The following SH3RF1 variants were observed in gnomAD, a reference collection of about 807,000 sequenced individuals.
The protein encoded by SH3RF1 is E3 ubiquitin-protein ligase SH3RF1.
Under a neutral mutation model 74.0 loss-of-function variants are expected in SH3RF1, and 32 were observed. The observed-to-expected ratio is 0.43, with a 90% confidence interval of 0.33 to 0.58. The LOEUF (loss-of-function observed/expected upper bound fraction) is 0.58, where lower values mean the gene tolerates loss of function less well. Ranked by LOEUF, SH3RF1 falls within the 20% of genes least tolerant of loss-of-function variation. The probability of loss-of-function intolerance (pLI) is 0.05; values close to 1 mark genes in which losing one functional copy is unlikely to be tolerated. For missense variants in SH3RF1, 954 were observed against 1,130.9 expected, an observed-to-expected ratio of 0.84 and a Z score of 2.24; for synonymous variants, 396 against 439.6, an observed-to-expected ratio of 0.90 and a Z score of 1.24.
chr4:169,096,748 A>C, intron 11 of SH3RF1, 61 bp from the exon 12 acceptor site: 2 of 1,496,056 alleles, frequency 1.3e-6, no homozygotes, highest in Non-Finnish European at 1.8e-6. Flanking sequence ...AAAATGGTGT[A>C]CTGTTAGTCT....
In SH3RF1 at chr4:169,269,380, A is replaced by G; in HGVS notation, c.-95-73T>C. The G allele has an allele frequency of 6.0e-6, 4 of 663,500 alleles. No individual in the cohort carries two copies. The South Asian group carries it at 6.9e-5, about 11-fold the overall frequency. The allele number at this position is 663,500 out of a possible 1,614,324, so 41.1% of individuals were successfully genotyped here. A position where few individuals can be genotyped will look rare whatever the true frequency, so the allele number is the denominator to read the frequency against. ...CTAGGGAAAAAGTTCAAAGGAGCCA[A>G]GAATCAAAAAGTACCCAAAAGTACA... is the stretch of plus-strand genomic sequence containing the variant. On this transcript the variant is annotated intron_variant, in intron 1 of 11. Transcript: ENST00000284637.
chr4:169,243,930 A>G (rs1307727701), intron 2 of SH3RF1, among the ~76,000 whole-genome samples: 1 of 152,256 alleles, frequency 6.6e-6, no homozygotes, highest in Non-Finnish European at 1.5e-5. Flanking sequence ...TTTTACTTAA[A>G]TAACTGCAAA....
rs1157961166 is a variant in SH3RF1, at chr4:169,094,829, A to G, written c.*1690T>C. 3.3e-5 allele frequency: 5 copies of G among 151,720 alleles called. No individual in the cohort carries two copies. The highest frequency in any genetic ancestry group is 2.6e-4 in the Admixed American group (4 of 15,216). 9.4% of individuals were successfully genotyped at this position (151,720 alleles called of 1,614,324 possible). ...GGAATGATTTCATCTTCAACCACATAAAGTATCTTTTTAAGACCATGAAAC... is the reference window on the plus strand; with the variant it reads ...GGAATGATTTCATCTTCAACCACATGAAGTATCTTTTTAAGACCATGAAAC... On this transcript the variant is annotated 3_prime_UTR_variant, in exon 12 of 12. Transcript: ENST00000284637.
chr4:169,235,622 A>AAT (rs1276563795), intron 2 of SH3RF1, among the ~76,000 whole-genome samples: 3 of 152,234 alleles, frequency 2.0e-5, no homozygotes, highest in East Asian at 3.8e-4. Flanking sequence ...CTTCTCATAT[A>AAT]ATAATATGCC....
intron 2 of SH3RF1, among the ~76,000 whole-genome samples, chr4:169,212,201 A>G (rs927953591): frequency 4.6e-5 from 7 of 150,636 alleles, no homozygotes; most frequent in African/African-American, 1.5e-4. Context: ...AGTAGCTGGG[A>G]TTACAAGCAT....
chr4:169,167,866 T>G (rs1416663954), intron 2 of SH3RF1, among the ~76,000 whole-genome samples: 1 of 152,138 alleles, frequency 6.6e-6, no homozygotes, highest in Non-Finnish European at 1.5e-5. Context: ...AAATTTTACC[T>G]CAATACCAAA....
chr4:169,129,996 C>T, intron 6 of SH3RF1, 50 bp downstream of exon 6: 13 of 1,478,814 alleles, frequency 8.8e-6, no homozygotes, highest in Non-Finnish European at 1.1e-5. Context: ...GCCAGATTAA[C>T]ATGACTAAAG....
chr4:169,164,065 C>G (rs1282474073), intron 2 of SH3RF1, among the ~76,000 whole-genome samples: 1 of 152,202 alleles, frequency 6.6e-6, no homozygotes, highest in African/African-American at 2.4e-5. Flanking sequence ...CCTTCCTCTA[C>G]CCAAGTCTAG....
chr4:169,169,921 G>A (rs1031312915), intron 2 of SH3RF1, among the ~76,000 whole-genome samples: 3 of 152,074 alleles, frequency 2.0e-5, no homozygotes, highest in African/African-American at 7.2e-5. Flanking sequence ...ACTAAAATGA[G>A]TGTTACTAGA....
intron 4 of SH3RF1, among the ~76,000 whole-genome samples, chr4:169,145,200 C>A (rs529400671): frequency 7.1e-4 from 108 of 152,162 alleles, no homozygotes; most frequent in Non-Finnish European, 1.2e-3. Flanking sequence ...CATCAACGGT[C>A]TACTGGATAA....
intron 2 of SH3RF1, among the ~76,000 whole-genome samples, chr4:169,177,482 C>A (rs767589106): frequency 6.6e-6 from 1 of 152,148 alleles, no homozygotes; most frequent in Non-Finnish European, 1.5e-5. Context: ...TTGAAATTAT[C>A]CCCACACTGA....
intron 6 of SH3RF1, among the ~76,000 whole-genome samples, chr4:169,126,158 G>A (rs1366752991): frequency 6.6e-6 from 1 of 152,216 alleles, no homozygotes; most frequent in Non-Finnish European, 1.5e-5. Context: ...GTCAGGGACT[G>A]TCTCACCCGT....
intron 2 of SH3RF1, among the ~76,000 whole-genome samples, chr4:169,258,069 A>C (rs938312519): frequency 2.0e-5 from 3 of 152,202 alleles, no homozygotes; most frequent in Non-Finnish European, 4.4e-5. Context: ...TTGCTACGGT[A>C]ATTACTTTTT....
chr4:169,186,427 T>C (rs2126981927), intron 2 of SH3RF1, among the ~76,000 whole-genome samples: 1 of 152,202 alleles, frequency 6.6e-6, no homozygotes, highest in South Asian at 2.1e-4. Flanking sequence ...AGAGACTAAC[T>C]ATAAAACACT....
intron 11 of SH3RF1, among the ~76,000 whole-genome samples, chr4:169,098,678 G>A (rs1331889279): frequency 6.6e-6 from 1 of 152,196 alleles, no homozygotes; most frequent in Non-Finnish European, 1.5e-5. Context: ...CACAAGGCTG[G>A]GGTTTGATCA....
chr4:169,148,382 A>G lies in SH3RF1; in HGVS notation c.765+7098T>C, dbSNP rs375342068. On this transcript the variant is annotated intron_variant, in intron 4 of 11. Transcript: ENST00000284637. ...TTAGCTACTAGAGTGTTTATTAGAC[A>G]GTCATAAAAACTGATGTTTAGTAGT... is the stretch of plus-strand genomic sequence containing the variant. Among the ~76,000 whole-genome samples the G allele has an allele frequency of 1.6e-4, 25 of 152,348 alleles. 1 individual carries two copies. The highest frequency in any genetic ancestry group is 1.2e-3 in the East Asian group (6 of 5,192).
At chr4:169,183,754 A>AG (rs945578450) in intron 2 of SH3RF1, among the ~76,000 whole-genome samples, 1 of 151,216 alleles carries the variant, frequency 6.6e-6, no homozygotes, top group Non-Finnish European at 1.5e-5. Context: ...TCTCTTTAAA[A>AG]AAAAAAAAAC....
At chr4:169,259,160 G>T (rs1219525863) in intron 2 of SH3RF1, among the ~76,000 whole-genome samples, 2 of 152,018 alleles carry the variant, frequency 1.3e-5, no homozygotes, top group African/African-American at 4.8e-5. Context: ...TTGATAAGCA[G>T]TTTTTTCTGG....
At chr4:169,208,774 G>A (rs996073650) in intron 2 of SH3RF1, among the ~76,000 whole-genome samples, 1 of 152,044 alleles carries the variant, frequency 6.6e-6, no homozygotes, top group East Asian at 1.9e-4. Context: ...CCAGCTCCTG[G>A]AAAGCTACCC....
Sources: allele counts gnomAD v4.1 joint callset (sites outside exome capture counted in the v4.1 genomes callset), GRCh38; gene constraint gnomAD v4.1.1; transcripts MANE v1.5; gene names NCBI Gene and HGNC (gene_info 2026-07-23, HGNC 2026-07-21).